Variants in PTPRR observed in about 807,000 individuals in gnomAD.
The protein encoded by PTPRR is receptor-type tyrosine-protein phosphatase R.
In PTPRR, 38 loss-of-function variants were observed where a neutral mutation model predicts 77.2. That is an observed-to-expected ratio of 0.49 (90% CI 0.38 to 0.65). The LOEUF (loss-of-function observed/expected upper bound fraction) is 0.65, where lower values mean the gene tolerates loss of function less well. PTPRR is among the 30% of genes least tolerant of loss of function. The pLI, the probability that PTPRR is intolerant of heterozygous loss-of-function variation, is 0.00. For synonymous variants in PTPRR, 299 were observed against 283.1 expected (o/e 1.06, Z -0.57); for missense variants, 744 against 799.2 (o/e 0.93, Z 0.83).
At chr12:70,909,967 G>A (rs1893677331) in intron 1 of PTPRR, among the ~76,000 whole-genome samples, 1 of 152,086 alleles carries the variant, frequency 6.6e-6, no homozygotes, top group Non-Finnish European at 1.5e-5. Flanking sequence ...TTTATAAGAC[G>A]AAGGTTTTAC....
At chr12:70,809,048 G>A (rs534921604) in intron 2 of PTPRR, among the ~76,000 whole-genome samples, 21 of 152,200 alleles carry the variant, frequency 1.4e-4, no homozygotes, top group African/African-American at 3.6e-4. Context: ...GCCATTTCCC[G>A]CCAGAAGGGT....
chr12:70,840,232 G>A (rs1255051495), intron 2 of PTPRR, among the ~76,000 whole-genome samples: 1 of 152,014 alleles, frequency 6.6e-6, no homozygotes, highest in Admixed American at 6.6e-5. Context: ...GCTTCTACAG[G>A]TTATCGTGTT....
rs1886102482 is a variant in PTPRR, at chr12:70,643,915, T to C, written c.1881-4638A>G. On this transcript the variant is annotated intron_variant, in intron 13 of 13. Coordinates refer to ENST00000283228, the MANE Select transcript of PTPRR (RefSeq NM_002849.4). ...GACTACAGGTGTGCACCAATATGCA[T>C]GCACCTTAAATTGCAAACAGAAGTG... 2.0e-5 allele frequency among the ~76,000 whole-genome samples: 3 copies of C among 152,060 alleles called. No individual in the cohort carries two copies. The South Asian group carries it at 6.2e-4, about 32-fold the overall frequency.
chr12:70,805,549 TAG>T (rs1250675799), intron 2 of PTPRR, among the ~76,000 whole-genome samples: 1 of 152,100 alleles, frequency 6.6e-6, no homozygotes, highest in Non-Finnish European at 1.5e-5. Context: ...TGTGCAGAGA[TAG>T]AGTCTGCCTA....
chr12:70,764,165 G>A (rs1890758030), intron 3 of PTPRR, among the ~76,000 whole-genome samples: 1 of 152,070 alleles, frequency 6.6e-6, no homozygotes, highest in South Asian at 2.1e-4. Context: ...TGCACTCAAT[G>A]TCCATTGTTC....
chr12:70,779,749 T>C (rs1891164073), intron 2 of PTPRR, among the ~76,000 whole-genome samples: 1 of 152,108 alleles, frequency 6.6e-6, no homozygotes, highest in Non-Finnish European at 1.5e-5. Context: ...ACCAACACTG[T>C]AGTTACCAAG....
rs193273045 is a variant in PTPRR at position 70,865,947 on chromosome 12, C to T, written c.357+26732G>A. ...TTTTAAAGAAATACTGGGTAGATAA[C>T]GAAATGAAGGCAGAAATAAAGATGT... On this transcript the variant is annotated intron_variant, in intron 2 of 13. Coordinates refer to ENST00000283228, the MANE Select transcript of PTPRR (RefSeq NM_002849.4). Among the ~76,000 whole-genome samples, 25 of 152,082 alleles carry T rather than the reference C, an allele frequency of 1.6e-4. 1 individual carries two copies. The highest frequency in any genetic ancestry group is 1.0e-3 in the South Asian group (5 of 4,818).
In PTPRR at chr12:70,841,401, C is replaced by T. The variant is rs533028037; in HGVS notation, c.357+51278G>A. On this transcript the variant is annotated intron_variant, in intron 2 of 13. Transcript: ENST00000283228. ...TTCTTATTTTTTTTCATTTGCATTA[C>T]AGACCGGAAATCCTGCACTTCTCAG... 5.9e-5 allele frequency among the ~76,000 whole-genome samples: 9 copies of T among 152,182 alleles called. 1 individual carries two copies. The highest frequency in any genetic ancestry group is 3.3e-4 in the Admixed American group (5 of 15,270).
chr12:70,850,690 T>A (rs1479902087), intron 2 of PTPRR, among the ~76,000 whole-genome samples: 1 of 152,156 alleles, frequency 6.6e-6, no homozygotes, highest in Non-Finnish European at 1.5e-5. Context: ...AACCCAGACC[T>A]CTCTCTGTGC....
At chr12:70,673,429 C>G (rs1333626990) in intron 10 of PTPRR, among the ~76,000 whole-genome samples, 1 of 152,204 alleles carries the variant, frequency 6.6e-6, no homozygotes, top group Non-Finnish European at 1.5e-5. Context: ...ACAATGTATT[C>G]TGTAATCCTT....
intron 2 of PTPRR, among the ~76,000 whole-genome samples, chr12:70,887,100 T>C (rs1315016235): frequency 6.6e-6 from 1 of 152,190 alleles, no homozygotes; most frequent in African/African-American, 2.4e-5. Context: ...TCTTTTTGGT[T>C]TTACATTTCT....
At chr12:70,812,505 C>T (rs1288634520) in intron 2 of PTPRR, among the ~76,000 whole-genome samples, 1 of 152,212 alleles carries the variant, frequency 6.6e-6, no homozygotes, top group Non-Finnish European at 1.5e-5. Flanking sequence ...GGTTTATTTT[C>T]TGCCATGTGA....
In PTPRR at chr12:70,764,657, T is replaced by C. The variant is rs1398562795; in HGVS notation, c.471+8A>G. The C allele has an allele frequency of 3.8e-6, 6 of 1,599,826 alleles. No homozygotes were observed. Among genetic ancestry groups the C allele is most frequent in the Non-Finnish European group, 5.1e-6 (6 of 1,167,152 alleles). On this transcript the variant is annotated splice_region_variant and intron_variant, in intron 3 of 13. Transcript: ENST00000283228. ...GAATTTTGGAAATGCGAAATGTGGG[T>C]ATCTTACAATGAGGCGATTGATGTG...
chr12:70,819,142 G>A (rs1455896820), intron 2 of PTPRR, among the ~76,000 whole-genome samples: 4 of 152,196 alleles, frequency 2.6e-5, no homozygotes, highest in Non-Finnish European at 5.9e-5. Context: ...TCGACATGGT[G>A]AAACCCCATC....
chr12:70,727,635 A>G (rs1265477122), intron 6 of PTPRR, among the ~76,000 whole-genome samples: 2 of 152,192 alleles, frequency 1.3e-5, no homozygotes, highest in Non-Finnish European at 2.9e-5. Context: ...AACTCTAAAG[A>G]TGTCTTGGAT....
At chr12:70,815,301 T>A (rs1038296121) in intron 2 of PTPRR, among the ~76,000 whole-genome samples, 1 of 151,868 alleles carries the variant, frequency 6.6e-6, no homozygotes, top group Non-Finnish European at 1.5e-5. Context: ...GAAAAAAGAT[T>A]GAAAAAGAAT....
intron 2 of PTPRR, among the ~76,000 whole-genome samples, chr12:70,814,105 T>C (rs542356545): frequency 6.6e-6 from 1 of 152,328 alleles, no homozygotes; most frequent in Admixed American, 6.5e-5. Context: ...TATAAAAGCT[T>C]ATCTAATTTT....
rs140047142 is a variant in PTPRR, at chr12:70,758,811, G to A, written c.627+2660C>T. Among the ~76,000 whole-genome samples, 355 of 152,280 alleles carry A rather than the reference G, an allele frequency of 2.3e-3. 3 individuals are homozygous for A. Among genetic ancestry groups the A allele is most frequent in the African/African-American group, 8.2e-3 (342 of 41,564 alleles). On this transcript the variant is annotated intron_variant, in intron 4 of 13. Transcript: ENST00000283228. ...AACTATATTCTTATTATCTCTTTGTGTCGTATTTGCCCTATTAGTGCATAA... is the reference window on the plus strand; with the variant it reads ...AACTATATTCTTATTATCTCTTTGTATCGTATTTGCCCTATTAGTGCATAA...
intron 2 of PTPRR, among the ~76,000 whole-genome samples, chr12:70,890,164 A>G (rs1332284909): frequency 6.6e-6 from 1 of 152,150 alleles, no homozygotes; most frequent in Non-Finnish European, 1.5e-5. Flanking sequence ...CTCTTACCAT[A>G]GTACTGACCT....
Sources: gnomAD v4.1 joint callset for allele counts (sites outside exome capture counted in the v4.1 genomes callset) on GRCh38, gnomAD v4.1.1 for gene constraint, MANE v1.5 for transcripts, NCBI Gene and HGNC (gene_info 2026-07-23, HGNC 2026-07-21) for gene names.